FASLG: variants seen among roughly 807,000 people sequenced by gnomAD.
FASLG encodes the protein Fas ligand.
In FASLG, 9 loss-of-function variants were observed where a neutral mutation model predicts 24.6. The ratio of observed to expected loss-of-function variants is 0.37; its 90% CI spans 0.22 to 0.64. The LOEUF (loss-of-function observed/expected upper bound fraction) is 0.64. Among genes scored for constraint, FASLG ranks in the 30% least tolerant of loss-of-function variants. FASLG has a pLI of 0.64. For missense variants in FASLG, 306 were observed against 345.3 expected, an observed-to-expected ratio of 0.89 and a Z score of 0.90; for synonymous variants, 130 against 135.5, an observed-to-expected ratio of 0.96 and a Z score of 0.28.
Position 172,660,444 on chromosome 1 carries a change from G to A in FASLG, c.394+304G>A, listed in dbSNP as rs138067784. On this transcript the variant is annotated intron_variant, in intron 2 of 3. Coordinates refer to ENST00000367721, the MANE Select transcript of FASLG (RefSeq NM_000639.3). ...TTTGCCCCCTGAGAAGTGGCTCCAG[G>A]CCTGTCCCCTTCCACAGACATCCTG... Among the ~76,000 whole-genome samples, 3 of 152,270 alleles carry A rather than the reference G, an allele frequency of 2.0e-5. No individual in the cohort carries two copies. In the East Asian group the frequency reaches 5.8e-4, roughly 29 times the overall value.
rs778663490 is a variant in FASLG, at chr1:172,665,832, A to T, written c.662A>T (p.Asp221Val). The T allele has an allele frequency of 1.9e-6, 3 of 1,613,978 alleles. No homozygotes were observed. Among genetic ancestry groups the T allele is most frequent in the Non-Finnish European group, 1.7e-6 (2 of 1,180,024 alleles). ...VYMRNSKYPQ[D>V]LVMMEGKMMS... ...ATGAGGAACTCTAAGTATCCCCAGG[A>T]TCTGGTGATGATGGAGGGGAAGATG... The change falls in exon 4 of 4, where the codon GAT (aspartate) becomes GTT (valine). Residue 221 changes from aspartate to valine, a missense_variant. By Grantham distance (152) the Asp-to-Val change is radical. Transcript: ENST00000367721.
chr1:172,662,072 G>C (rs1659155139), intron 2 of FASLG, among the ~76,000 whole-genome samples: 1 of 151,782 alleles, frequency 6.6e-6, no homozygotes, highest in Non-Finnish European at 1.5e-5. Flanking sequence ...TATACATTAT[G>C]GTGTATTCAG....
At chr1:172,659,811 A>C (rs946149699) in intron 1 of FASLG, among the ~76,000 whole-genome samples, 2 of 152,166 alleles carry the variant, frequency 1.3e-5, no homozygotes, top group Non-Finnish European at 2.9e-5. Flanking sequence ...TTACTGCCTC[A>C]TACCTATTGA....
chr1:172,665,422 T>A (rs927472782), intron 3 of FASLG, among the ~76,000 whole-genome samples, 200 bp from the exon 4 acceptor site: 5 of 151,834 alleles, frequency 3.3e-5, no homozygotes, highest in South Asian at 2.1e-4. Context: ...TTGTTCCAAT[T>A]GTGTGGATGA....
At chr1:172,660,206 G>A (rs1487142523) in intron 2 of FASLG, 66 bp downstream of exon 2, 1 of 1,491,714 alleles carries the variant, frequency 6.7e-7, no homozygotes, top group Non-Finnish European at 9.4e-7. Context: ...CTATGTTAAT[G>A]GAATGCCTTA....
intron 1 of FASLG, 72 bp from the exon 2 acceptor site, chr1:172,660,023 T>G (rs1659103185): frequency 1.0e-5 from 15 of 1,476,228 alleles, no homozygotes; most frequent in Non-Finnish European, 1.4e-5. Flanking sequence ...CTTGGTTTAT[T>G]TGACGATTCT....
At chr1:172,660,503 G>T (rs561906831) in intron 2 of FASLG, among the ~76,000 whole-genome samples, 1 of 152,302 alleles carries the variant, frequency 6.6e-6, no homozygotes, top group Admixed American at 6.5e-5. Context: ...TGTAACTCCT[G>T]GGAAGAGAAG....
chr1:172,664,397 A>T lies in FASLG; in HGVS notation c.451+7A>T, dbSNP rs201525996. On this transcript the variant is annotated splice_region_variant and intron_variant, in intron 3 of 3. Transcript: ENST00000367721. ...AAAGTGGCCCATTTAACAGGTCTGT[A>T]TCTGGAAGGTACAGGTGAGATTTGG... is the stretch of plus-strand genomic sequence containing the variant. 6.2e-7 allele frequency: 1 copy of T among 1,613,892 alleles called. No individual in the cohort carries two copies. Among genetic ancestry groups the T allele is most frequent in the Non-Finnish European group, 8.5e-7 (1 of 1,179,892 alleles).
rs768868095 is a variant in FASLG at position 172,659,330 on chromosome 1, G to A, written c.129G>A (p.Arg43=). 1 of 1,613,576 alleles carries A rather than the reference G, an allele frequency of 6.2e-7. No homozygotes were observed. Among genetic ancestry groups the A allele is most frequent in the Non-Finnish European group, 8.5e-7 (1 of 1,179,850 alleles). The part of the protein sequence containing the change: ...PTSVPRRPGQ[R]RPPPPPPPPP... ...CTGTGCCCAGAAGGCCTGGTCAAAG[G>A]AGGCCACCACCACCACCGCCACCGC... Residue 43 remains arginine, a synonymous_variant, in exon 1 of 4, where the codon AGG becomes AGA. Coordinates refer to ENST00000367721, the MANE Select transcript of FASLG (RefSeq NM_000639.3).
At chr1:172,660,235 G>C in intron 2 of FASLG, 95 bp downstream of exon 2, 1 of 1,271,610 alleles carries the variant, frequency 7.9e-7, no homozygotes, top group Admixed American at 1.7e-5. Flanking sequence ...CCCACACTTT[G>C]GTTTCTGTAC....
rs745583712 is a variant in FASLG, at chr1:172,664,354, G to A, written c.415G>A (p.Glu139Lys). 20 of 1,613,714 alleles carry A rather than the reference G, an allele frequency of 1.2e-5. No homozygotes were observed. The highest frequency in any genetic ancestry group is 1.7e-5 in the Non-Finnish European group (20 of 1,179,872). The change falls in exon 3 of 4, where the codon GAA becomes AAA. Residue 139 changes from glutamate (E) to lysine (K), a missense_variant. Glu to Lys is a moderately conservative substitution (Grantham distance 56). Coordinates refer to ENST00000367721, the MANE Select transcript of FASLG (RefSeq NM_000639.3). ...KQIGHPSPPP[E>K]KKELRKVAHL... ...TACAGGCCACCCCAGTCCACCCCCT[G>A]AAAAAAAGGAGCTGAGGAAAGTGGC...
At chr1:172,662,612 T>C (rs951155748) in intron 2 of FASLG, among the ~76,000 whole-genome samples, 54 of 147,818 alleles carry the variant, frequency 3.7e-4, no homozygotes, top group African/African-American at 1.3e-3. Context: ...AGTGAACGGC[T>C]GTGTGCATGT....
intron 2 of FASLG, 43 bp downstream of exon 2, chr1:172,660,183 C>A: frequency 6.3e-7 from 1 of 1,580,936 alleles, no homozygotes; most frequent in Non-Finnish European, 8.7e-7. Context: ...CAAAGATGAT[C>A]CTCAGCACAG....
At chr1:172,665,494 G>C in intron 3 of FASLG, 128 bp from the exon 4 acceptor site, 1 of 1,088,530 alleles carries the variant, frequency 9.2e-7, no homozygotes, top group Admixed American at 1.9e-5. Context: ...CCCTCAGCCA[G>C]TTCTATACCA....
At chr1:172,661,680 T>C (rs1249731066) in intron 2 of FASLG, among the ~76,000 whole-genome samples, 1 of 152,008 alleles carries the variant, frequency 6.6e-6, no homozygotes, top group Non-Finnish European at 1.5e-5. Flanking sequence ...AATCATCACA[T>C]GGAAATCAAA....
At chr1:172,664,134 G>A (rs1028376953) in intron 2 of FASLG, among the ~76,000 whole-genome samples, 200 bp from the exon 3 acceptor site, 1 of 151,784 alleles carries the variant, frequency 6.6e-6, no homozygotes, top group African/African-American at 2.4e-5. Context: ...TCTTAATTTG[G>A]TTTATTTTTT....
Position 172,659,438 on chromosome 1 carries a change from A to G in FASLG, c.237A>G (p.Thr79=). Residue 79 remains threonine (T), a synonymous_variant, in exon 1 of 4, where the codon ACA becomes ACG. Coordinates refer to ENST00000367721, the MANE Select transcript of FASLG (RefSeq NM_000639.3). The stretch of plus-strand genomic sequence containing the variant: ...TGAAGAAGAGAGGGAACCACAGCAC[A>G]GGCCTGTGTCTCCTTGTGATGTTTT... ...PPLKKRGNHS[T]GLCLLVMFFM... 6.2e-7 allele frequency: 1 copy of G among 1,613,860 alleles called. No homozygotes were observed. The highest frequency in any genetic ancestry group is 8.5e-7 in the Non-Finnish European group (1 of 1,179,896).
intron 2 of FASLG, among the ~76,000 whole-genome samples, chr1:172,663,996 G>C (rs919574665): frequency 2.6e-5 from 4 of 152,094 alleles, no homozygotes; most frequent in African/African-American, 9.7e-5. Flanking sequence ...GATAAGGTGG[G>C]ACAATAATAC....
intron 1 of FASLG, 30 bp from the exon 2 acceptor site, chr1:172,660,065 T>C: frequency 6.2e-7 from 1 of 1,608,460 alleles, no homozygotes; most frequent in Non-Finnish European, 8.5e-7. Context: ...TTATTTTTAT[T>C]ATACATCTTT....
Sources: allele counts gnomAD v4.1 joint callset (sites outside exome capture counted in the v4.1 genomes callset), GRCh38; gene constraint gnomAD v4.1.1; transcripts MANE v1.5; gene names NCBI Gene and HGNC (gene_info 2026-07-23, HGNC 2026-07-21).